The following TTN variants were observed in gnomAD, a reference collection of about 807,000 sequenced individuals.
TTN encodes titin.
In TTN, 1,525 loss-of-function variants were observed where a neutral mutation model predicts 3,223.0. The ratio of observed to expected loss-of-function variants is 0.47; its 90% CI spans 0.45 to 0.49. The LOEUF (loss-of-function observed/expected upper bound fraction) is 0.49. Among genes scored for constraint, TTN ranks in the 20% least tolerant of loss-of-function variants. The probability of loss-of-function intolerance (pLI) is 0.00; values close to 1 mark genes in which losing one functional copy is unlikely to be tolerated. For missense variants in TTN, 40,786 were observed against 43,424.0 expected, an observed-to-expected ratio of 0.94 and a Z score of 5.40; for synonymous variants, 14,094 against 15,161.0, an observed-to-expected ratio of 0.93 and a Z score of 5.17.
In TTN at chr2:178,654,039, T is replaced by G. The variant is rs1336869158; in HGVS notation, c.38437A>C (p.Lys12813Gln). The G allele has an allele frequency of 3.2e-6, 5 of 1,581,948 alleles. No homozygotes were observed. Among genetic ancestry groups the G allele is most frequent in the Non-Finnish European group, 4.3e-6 (5 of 1,173,014 alleles). ...GTAACTGCGGGGGCTTCTGGTTTTT[T>G]GATTGGTGCCTTGGGAATTTTCTTT... ...PEKKIPKAPIKKPEAPAVTVP... is the reference protein window; with the variant it reads ...PEKKIPKAPIQKPEAPAVTVP... The change falls in exon 194 of 363, where the codon AAA becomes CAA. Residue 12813 changes from lysine to glutamine, a missense_variant. Physicochemically the swap from Lys to Gln is moderately conservative, Grantham distance 53. Transcript: ENST00000589042.
chr2:178,695,009 T>C (rs1370201462), intron 115 of TTN, 103 bp from the exon 116 acceptor site: 4 of 805,554 alleles, frequency 5.0e-6, no homozygotes, highest in Admixed American at 2.9e-5. Context: ...TACACACCTA[T>C]AAGTGTATAT....
Position 178,766,499 on chromosome 2 carries a change from T to C in TTN, c.9585A>G (p.Lys3195=), listed in dbSNP as rs2090453977. 1 of 1,614,144 alleles carries C rather than the reference T, an allele frequency of 6.2e-7. No homozygotes were observed. The highest frequency in any genetic ancestry group is 8.5e-7 in the Non-Finnish European group (1 of 1,179,992). ...EINFQVQERH[K]YVVERRIHRM... ...GGTGGATTCTTCTTTCCACTACATA[T>C]TTGTGTCGTTCTTGAACTTGGAAAT... Residue 3195 remains lysine (K), a synonymous_variant, in exon 41 of 363, where the codon AAA becomes AAG. Transcript: ENST00000589042.
At position 178,774,239 on chromosome 2, in the gene TTN, C is replaced by T. The variant is rs2091934798; in HGVS notation, c.7025G>A (p.Gly2342Glu). 2 of 1,613,898 alleles carry T rather than the reference C, an allele frequency of 1.2e-6. No individual in the cohort carries two copies. Among genetic ancestry groups the T allele is most frequent in the South Asian group, 2.2e-5 (2 of 91,080 alleles). The part of the protein sequence containing the change: ...DQGEYSFVID[G>E]KKTTCKLKMK... The stretch of plus-strand genomic sequence containing the variant: ...CTTTAATTTACAGGTTGTCTTTTTC[C>T]CGTCGATGACAAAGCTGTATTCTCC... The change falls in exon 30 of 363, where the codon GGG becomes GAG. Residue 2342 changes from glycine (G) to glutamate (E), a missense_variant. Physicochemically the swap from Gly to Glu is moderately conservative, Grantham distance 98 (BLOSUM62 -2). Coordinates refer to ENST00000589042, the MANE Select transcript of TTN (RefSeq NM_001267550.2).
In TTN at chr2:178,769,743, C is replaced by A; in HGVS notation, c.8838G>T (p.Glu2946Asp). Residue 2946 changes from glutamate (E) to aspartate (D), a missense_variant, in exon 37 of 363, where the codon GAG becomes GAT. Transcript: ENST00000589042. ...HQLIIMNTST[E>D]DSAEYTFVCG... Reference sequence around the variant, plus strand: ...AGACAAATGTGTATTCTGCCGAGTCCTCTGTGCTGGTGTTCATGATGATCA... The same window carrying A: ...AGACAAATGTGTATTCTGCCGAGTCATCTGTGCTGGTGTTCATGATGATCA... 1 of 1,613,942 alleles carries A rather than the reference C, an allele frequency of 6.2e-7. No individual in the cohort carries two copies. Among genetic ancestry groups the A allele is most frequent in the Non-Finnish European group, 8.5e-7 (1 of 1,179,974 alleles).
At chr2:178,720,301 G>A in intron 80 of TTN, 37 bp from the exon 81 acceptor site, 2 of 1,595,850 alleles carry the variant, frequency 1.3e-6, no homozygotes, top group East Asian at 4.5e-5. Context: ...GAAAAAATGT[G>A]AGAATCATGG....
rs767151369 is a variant in TTN, at chr2:178,783,053, A to AT, written c.2852dup (p.Asn951LysfsTer8). 1.2e-6 allele frequency: 2 copies of AT among 1,614,092 alleles called. No individual in the cohort carries two copies. The highest frequency in any genetic ancestry group is 1.7e-6 in the Non-Finnish European group (2 of 1,179,968). On this transcript the variant is annotated frameshift_variant, in exon 18 of 363. Coordinates refer to ENST00000589042, the MANE Select transcript of TTN (RefSeq NM_001267550.2). LOFTEE classifies it high-confidence loss of function. ...CAGATTCACCTTCTATGACAGTCAC[A>AT]TTTTTTAAGCCCTGAAGAGAGGAGA... is the stretch of plus-strand genomic sequence containing the variant.
chr2:178,604,199 G>A lies in TTN; in HGVS notation c.54488C>T (p.Pro18163Leu), dbSNP rs1326628743. 6.2e-7 allele frequency: 1 copy of A among 1,611,496 alleles called. No individual in the cohort carries two copies. Among genetic ancestry groups the A allele is most frequent in the African/African-American group, 1.3e-5 (1 of 74,776 alleles). ...TCCTGGAGGTCCAGGAAGGCGATAAGGATCTTGAATGACTACTTTATCTGA... is the reference window on the plus strand; with the variant it reads ...TCCTGGAGGTCCAGGAAGGCGATAAAGATCTTGAATGACTACTTTATCTGA... Reference protein sequence around the residue: ...CKSDKVVIQDPYRLPGPPGKP... With the variant: ...CKSDKVVIQDLYRLPGPPGKP... Residue 18163 changes from proline to leucine, a missense_variant, in exon 282 of 363, where the codon CCT becomes CTT. Transcript: ENST00000589042.
In TTN at chr2:178,732,207, T is replaced by C; in HGVS notation, c.16762A>G (p.Ser5588Gly). 6.2e-7 allele frequency: 1 copy of C among 1,613,902 alleles called. No individual in the cohort carries two copies. Among genetic ancestry groups the C allele is most frequent in the East Asian group, 2.2e-5 (1 of 44,862 alleles). ...TCCACAAAAGACATTCTGTGTTTGC[T>C]GCTCTCCTTAATTTCTCTATCATTT... ...FANDREIKES[S>G]KHRMSFVEST... The change falls in exon 57 of 363, where the codon AGC becomes GGC. Residue 5588 changes from serine to glycine, a missense_variant. By Grantham distance (56) the Ser-to-Gly change is moderately conservative. Transcript: ENST00000589042.
At position 178,568,487 on chromosome 2, in the gene TTN, G is replaced by A. The variant is rs1300031734; in HGVS notation, c.77645C>T (p.Ser25882Phe). The change falls in exon 326 of 363, where the codon TCC (serine) becomes TTC (phenylalanine). Residue 25882 changes from serine to phenylalanine, a missense_variant. Transcript: ENST00000589042. ...TTTATCTAGAGTTACAATTTCGATG[G>A]ATGCTGTCTTCTGACCAACAACATT... ...VANVVGQKTASIEIVTLDKPD... is the reference protein window; with the variant it reads ...VANVVGQKTAFIEIVTLDKPD... 1 of 1,613,176 alleles carries A rather than the reference G, an allele frequency of 6.2e-7. No homozygotes were observed. Among genetic ancestry groups the A allele is most frequent in the Non-Finnish European group, 8.5e-7 (1 of 1,179,564 alleles).
At chr2:178,667,122 A>T (rs1028007103) in intron 162 of TTN, 114 bp downstream of exon 162, 98 of 1,092,526 alleles carry the variant, frequency 9.0e-5, no homozygotes, top group Non-Finnish European at 1.2e-4. Context: ...CAGATCCTTT[A>T]AACACAGTAT....
At position 178,688,127 on chromosome 2, in the gene TTN, C is replaced by T. The variant is rs1316003064; in HGVS notation, c.32295G>A (p.Glu10765=). The T allele has an allele frequency of 1.9e-6, 3 of 1,612,502 alleles. No individual in the cohort carries two copies. Among genetic ancestry groups the T allele is most frequent in the Non-Finnish European group, 2.5e-6 (3 of 1,179,564 alleles). The change falls in exon 127 of 363, where the codon GAG becomes GAA. Residue 10765 remains glutamate, a synonymous_variant. Transcript: ENST00000589042. ...EEEREEEEEA[E]VTEYEVMEEP... ...ATTGTTTACCTTCATATTCTGTAACCTCTGCTTCTTCCTCCTCCTCTCTTT... is the reference window on the plus strand; with the variant it reads ...ATTGTTTACCTTCATATTCTGTAACTTCTGCTTCTTCCTCCTCCTCTCTTT...
At position 178,565,536 on chromosome 2, in the gene TTN, C is replaced by T. The variant is rs747456605; in HGVS notation, c.80596G>A (p.Val26866Met). ...YNEKGKSDPR[V>M]LGVPVIAKDL... is the part of the protein sequence containing the mutation. Reference sequence around the variant, plus strand: ...TTGGCTATGACAGGAACACCCAACACTCTTGGATCGCTTTTTCCTTTCTCA... The same window carrying T: ...TTGGCTATGACAGGAACACCCAACATTCTTGGATCGCTTTTTCCTTTCTCA... The change falls in exon 326 of 363, where the codon GTG (valine) becomes ATG (methionine). Residue 26866 changes from valine (V) to methionine (M), a missense_variant. Val to Met is a conservative substitution (Grantham distance 21). Coordinates refer to ENST00000589042, the MANE Select transcript of TTN (RefSeq NM_001267550.2). 6.8e-6 allele frequency: 11 copies of T among 1,613,580 alleles called. No homozygotes were observed. Among genetic ancestry groups the T allele is most frequent in the Admixed American group, 1.7e-5 (1 of 59,988 alleles).
At chr2:178,674,259 G>A in intron 151 of TTN, 55 bp downstream of exon 151, 1 of 1,036,758 alleles carries the variant, frequency 9.6e-7, no homozygotes, top group Non-Finnish European at 1.5e-6. Context: ...TAGCTACTGA[G>A]AAAGATTTGG....
chr2:178,708,112 TGCCATATA>T (rs1346403533), intron 99 of TTN, among the ~76,000 whole-genome samples: 2 of 152,214 alleles, frequency 1.3e-5, no homozygotes, highest in African/African-American at 4.8e-5. Flanking sequence ...TGAACTTCTT[TGCCATATA>T]GCACACTATT....
At chr2:178,744,367 C>A in intron 47 of TTN, 1 of 983,986 alleles carries the variant, frequency 1.0e-6, no homozygotes, top group Non-Finnish European at 1.2e-6. Context: ...TGAATGATCA[C>A]CTCTAAGGTC....
chr2:178,540,948 T>G (rs776729141), intron 350 of TTN, among the ~76,000 whole-genome samples: 1 of 152,218 alleles, frequency 6.6e-6, no homozygotes, highest in Non-Finnish European at 1.5e-5. Flanking sequence ...GTTTTTAAAG[T>G]GCTTCCAGAA....
rs1201928772 is a variant in TTN, at chr2:178,536,376, A to T, written c.100371T>A (p.Leu33457=). ...IRETVFSVKN[L]IEGLEYEFRV... Reference sequence around the variant, plus strand: ...GAAACTCGTATTCAAGACCTTCAATAAGGTTTTTCACTGAAAAGACAGTTT... The same window carrying T: ...GAAACTCGTATTCAAGACCTTCAATTAGGTTTTTCACTGAAAAGACAGTTT... Residue 33457 remains leucine (L), a synonymous_variant, in exon 357 of 363, where the codon CTT becomes CTA. Coordinates refer to ENST00000589042, the MANE Select transcript of TTN (RefSeq NM_001267550.2). 1 of 1,613,768 alleles carries T rather than the reference A, an allele frequency of 6.2e-7. No homozygotes were observed. The highest frequency in any genetic ancestry group is 8.5e-7 in the Non-Finnish European group (1 of 1,179,780).
Position 178,723,627 on chromosome 2 carries a change from C to G in TTN, c.21473G>C (p.Ser7158Thr), listed in dbSNP as rs1325004608. The G allele has an allele frequency of 1.9e-6, 3 of 1,611,614 alleles. No individual in the cohort carries two copies. The highest frequency in any genetic ancestry group is 2.5e-6 in the Non-Finnish European group (3 of 1,178,974). The change falls in exon 74 of 363, where the codon AGC (serine) becomes ACC (threonine). Residue 7158 changes from serine (S) to threonine (T), a missense_variant. Transcript: ENST00000589042. ...VLPGKNVTFT[S>T]VIRGTPPFKV... ...GAATGGAGGGGTTCCTCTAATAACG[C>G]TTGTGAAGGTTACATTTTTGCCTGG...
chr2:178,751,295 A>G (rs762880121), intron 47 of TTN: 2 of 1,611,312 alleles, frequency 1.2e-6, no homozygotes, highest in South Asian at 1.1e-5. Flanking sequence ...TAAACGTTGC[A>G]ACTTCACTTT....
Sources: allele counts gnomAD v4.1 joint callset (sites outside exome capture counted in the v4.1 genomes callset), GRCh38; gene constraint gnomAD v4.1.1; transcripts MANE v1.5; gene names NCBI Gene and HGNC (gene_info 2026-07-23, HGNC 2026-07-21).